Variants in RUSC1 observed in about 807,000 individuals in gnomAD.
RUSC1 encodes RUN and SH3 domain containing 1, also known as AP-4 complex accessory subunit RUSC1.
RUSC1 carries 40 observed loss-of-function variants against 72.1 expected under a neutral mutation model. The observed-to-expected ratio is 0.55, with a 90% CI of 0.43 to 0.72. RUSC1 has a LOEUF of 0.72. RUSC1 is among the 30% of genes least tolerant of loss of function. The pLI, the probability that RUSC1 is intolerant of heterozygous loss-of-function variation, is 0.00. For missense variants in RUSC1, 1,092 were observed against 1,172.3 expected, an observed-to-expected ratio of 0.93 and a Z score of 1.00; for synonymous variants, 512 against 494.2, an observed-to-expected ratio of 1.04 and a Z score of -0.48.
chr1:155,330,658 C>A lies in RUSC1; in HGVS notation c.*87C>A. The A allele has an allele frequency of 7.6e-7, 1 of 1,320,022 alleles. No individual in the cohort carries two copies. Among genetic ancestry groups the A allele is most frequent in the Non-Finnish European group, 1.0e-6 (1 of 982,082 alleles). The allele number at this position is 1,320,022 out of a possible 1,614,324, so 81.8% of individuals were successfully genotyped here. On this transcript the variant is annotated 3_prime_UTR_variant, in exon 10 of 10. Coordinates refer to ENST00000368352, the MANE Select transcript of RUSC1 (RefSeq NM_001105203.2). ...GAACACCATCCCAGAAGCATTTTCC[C>A]TCTGCAAAATGACGTTTCTTCCCAC...
intron 9 of RUSC1, among the ~76,000 whole-genome samples, chr1:155,329,392 C>CT (rs749137919): frequency 0.023 from 2,710 of 118,438 alleles, 101 homozygotes; most frequent in African/African-American, 0.072. Flanking sequence ...GGCTACTAAA[C>CT]TTTTTTTTTT....
chr1:155,321,673 A>T lies in RUSC1; in HGVS notation c.-86-15A>T. ...TTGTCCTCACTGGCCGGGCTTCACC[A>T]CCTCTGTCTTCTAGGTCTGCACCTG... On this transcript the variant is annotated splice_polypyrimidine_tract_variant and intron_variant, in intron 1 of 9. Coordinates refer to ENST00000368352, the MANE Select transcript of RUSC1 (RefSeq NM_001105203.2). 1 of 1,490,108 alleles carries T rather than the reference A, an allele frequency of 6.7e-7. No individual in the cohort carries two copies. The highest frequency in any genetic ancestry group is 9.2e-7 in the Non-Finnish European group (1 of 1,085,560). 92.3% of individuals were successfully genotyped at this position (1,490,108 alleles called of 1,614,324 possible).
In RUSC1 at chr1:155,330,557, T is replaced by A; in HGVS notation, c.2695T>A (p.Ser899Thr). Reference protein sequence around the residue: ...MEGLVPVGYTSLVL With the variant: ...MEGLVPVGYTTLVL Reference sequence around the variant, plus strand: ...GGGTCTGGTGCCTGTGGGGTATACCTCCCTTGTTCTGTAGCCCTGGGACCC... The same window carrying A: ...GGGTCTGGTGCCTGTGGGGTATACCACCCTTGTTCTGTAGCCCTGGGACCC... Residue 899 changes from serine to threonine, a missense_variant, in exon 10 of 10, where the codon TCC becomes ACC. By Grantham distance (58) the Ser-to-Thr change is moderately conservative (BLOSUM62 1). Coordinates refer to ENST00000368352, the MANE Select transcript of RUSC1 (RefSeq NM_001105203.2). 1 of 1,599,584 alleles carries A rather than the reference T, an allele frequency of 6.3e-7. No homozygotes were observed. The highest frequency in any genetic ancestry group is 1.1e-5 in the South Asian group (1 of 89,050).
At chr1:155,324,463 C>A in intron 2 of RUSC1, 1 of 1,611,980 alleles carries the variant, frequency 6.2e-7, no homozygotes, top group Non-Finnish European at 8.5e-7. Flanking sequence ...GGACTGGGCC[C>A]CGGGGCGGTG....
rs1651946523 is a variant in RUSC1 at position 155,330,875 on chromosome 1, T to C, written c.*304T>C. On this transcript the variant is annotated 3_prime_UTR_variant, in exon 10 of 10. Transcript: ENST00000368352. ...TGCAAAATGGAAATCTAGACCTCCT[T>C]CTTCATCCATAAGTGGACTGTGCCA... The C allele has an allele frequency of 7.6e-6, 2 of 261,834 alleles. No homozygotes were observed. Among genetic ancestry groups the C allele is most frequent in the South Asian group, 9.8e-5 (2 of 20,324 alleles). 16.2% of individuals were successfully genotyped at this position (261,834 alleles called of 1,614,324 possible). A position where few individuals can be genotyped will look rare whatever the true frequency, so the allele number is the denominator to read the frequency against.
In RUSC1 at chr1:155,330,605, C is replaced by T. The variant is rs771684116; in HGVS notation, c.*34C>T. On this transcript the variant is annotated 3_prime_UTR_variant, in exon 10 of 10. Coordinates refer to ENST00000368352, the MANE Select transcript of RUSC1 (RefSeq NM_001105203.2). Reference sequence around the variant, plus strand: ...CCCTTTCCTGCGTATGTGTCTCCTTCCTGTCACCTGGGAATGGAATGGCCA... The same window carrying T: ...CCCTTTCCTGCGTATGTGTCTCCTTTCTGTCACCTGGGAATGGAATGGCCA... The T allele has an allele frequency of 1.1e-5, 17 of 1,526,754 alleles. No homozygotes were observed. In the East Asian group the frequency reaches 2.8e-4, roughly 25 times the overall value. 94.6% of individuals were successfully genotyped at this position (1,526,754 alleles called of 1,614,324 possible).
At chr1:155,323,242 C>A in intron 2 of RUSC1, 112 bp downstream of exon 2, 4 of 1,212,650 alleles carry the variant, frequency 3.3e-6, no homozygotes, top group Non-Finnish European at 3.2e-6. Flanking sequence ...ATCCTCCCCG[C>A]CCCTTCTACC....
rs1176767408 is a variant in RUSC1, at chr1:155,325,198, G to A, written c.1533+20G>A. On this transcript the variant is annotated intron_variant, in intron 4 of 9. Coordinates refer to ENST00000368352, the MANE Select transcript of RUSC1 (RefSeq NM_001105203.2). This position sits in a 1 kb window ranked among gnomAD's most constrained non-coding sequence, Gnocchi z 6.5. ...CAGAAGGTGAAGGTGGCTGGGGGGA[G>A]GCTGTTGGGATGAGGAGAGTAATGG... 4.3e-6 allele frequency: 7 copies of A among 1,614,056 alleles called. No homozygotes were observed. Among genetic ancestry groups the A allele is most frequent in the Non-Finnish European group, 4.2e-6 (5 of 1,180,034 alleles).
Position 155,325,730 on chromosome 1 carries a change from G to T in RUSC1, c.1814+58G>T. The T allele has an allele frequency of 6.3e-7, 1 of 1,596,840 alleles. No individual in the cohort carries two copies. Among genetic ancestry groups the T allele is most frequent in the Non-Finnish European group, 8.6e-7 (1 of 1,165,608 alleles). On this transcript the variant is annotated intron_variant, in intron 6 of 9. Coordinates refer to ENST00000368352, the MANE Select transcript of RUSC1 (RefSeq NM_001105203.2). This position sits in a 1 kb window ranked among gnomAD's most constrained non-coding sequence, Gnocchi z 6.5. ...GACCTGGGACTGCAGGAGCGTCATG[G>T]GTGGGACACAGTAGTAGTGCCTCAC...
Position 155,322,898 on chromosome 1 carries a change from G to A in RUSC1, c.1125G>A (p.Arg375=). The A allele has an allele frequency of 6.2e-7, 1 of 1,605,074 alleles. No individual in the cohort carries two copies. The highest frequency in any genetic ancestry group is 1.1e-5 in the South Asian group (1 of 90,016). ...AAGTCACCACCTTCAAGGAACTCCG[G>A]TCCCGAAGCCGGGCCCCAGCCCCGC... The part of the protein sequence containing the change: ...PREVTTFKEL[R]SRSRAPAPPV... The change falls in exon 2 of 10, where the codon CGG becomes CGA. Residue 375 remains arginine (R), a synonymous_variant. Transcript: ENST00000368352.
Position 155,323,075 on chromosome 1 carries a change from G to C in RUSC1, c.1302G>C (p.Ala434=). The C allele has an allele frequency of 7.0e-7, 1 of 1,430,518 alleles. No individual in the cohort carries two copies. The allele number at this position is 1,430,518 out of a possible 1,614,324, so 88.6% of individuals were successfully genotyped here. The part of the protein sequence containing the change: ...QSEEGRAVSP[A]AGEEAPAAKE... ...AGGAGGGCCGGGCTGTCAGCCCAGCGGCTGGCGAGGAGGCCCCAGCCGCGA... is the reference window on the plus strand; with the variant it reads ...AGGAGGGCCGGGCTGTCAGCCCAGCCGCTGGCGAGGAGGCCCCAGCCGCGA... Residue 434 remains alanine (A), a synonymous_variant, in exon 2 of 10, where the codon GCG becomes GCC. Coordinates refer to ENST00000368352, the MANE Select transcript of RUSC1 (RefSeq NM_001105203.2).
At chr1:155,321,287 C>T (rs748485547) in intron 1 of RUSC1, 2 of 1,369,918 alleles carry the variant, frequency 1.5e-6, no homozygotes, top group South Asian at 1.1e-5. Context: ...TTGCCCCACC[C>T]CCATCCTCCA....
chr1:155,324,742 G>T (rs1461556091), intron 2 of RUSC1, 103 bp from the exon 3 acceptor site: 4 of 1,594,278 alleles, frequency 2.5e-6, no homozygotes, highest in Non-Finnish European at 3.4e-6. Context: ...GACCCTTCGG[G>T]GACACAGCAC....
chr1:155,328,182 G>T lies in RUSC1; in HGVS notation c.2447G>T (p.Ser816Ile). 6.2e-7 allele frequency: 1 copy of T among 1,613,582 alleles called. No individual in the cohort carries two copies. Among genetic ancestry groups the T allele is most frequent in the Non-Finnish European group, 8.5e-7 (1 of 1,179,792 alleles). The change falls in exon 9 of 10, where the codon AGT (serine) becomes ATT (isoleucine). Residue 816 changes from serine to isoleucine, a missense_variant. By Grantham distance (142) the Ser-to-Ile change is moderately radical. Coordinates refer to ENST00000368352, the MANE Select transcript of RUSC1 (RefSeq NM_001105203.2). ...RPSSWLPPTV[S>I]VLALVKRGAP... ...TCTAGCTGGCTGCCCCCGACAGTGAGTGTGTTGGCTCTTGTGAAGCGGGGG... is the reference window on the plus strand; with the variant it reads ...TCTAGCTGGCTGCCCCCGACAGTGATTGTGTTGGCTCTTGTGAAGCGGGGG...
At position 155,324,906 on chromosome 1, in the gene RUSC1, C is replaced by G. The variant is rs1284935441; in HGVS notation, c.1419C>G (p.Ala473=). The change falls in exon 3 of 10, where the codon GCC becomes GCG. Residue 473 remains alanine, a synonymous_variant. Coordinates refer to ENST00000368352, the MANE Select transcript of RUSC1 (RefSeq NM_001105203.2). ...PGAQRLWMAE[A]QSGTGQLQEQ... is the part of the protein sequence containing the mutation. ...CCCAGCGGCTGTGGATGGCAGAAGC[C>G]CAGAGTGGGACTGGTCAGCTGCAGG... The G allele has an allele frequency of 6.2e-7, 1 of 1,614,218 alleles. No homozygotes were observed. The highest frequency in any genetic ancestry group is 8.5e-7 in the Non-Finnish European group (1 of 1,180,042).
Position 155,323,111 on chromosome 1 carries a change from C to T in RUSC1, c.1338C>T (p.Gly446=). 7.0e-7 allele frequency: 1 copy of T among 1,421,860 alleles called. No homozygotes were observed. The highest frequency in any genetic ancestry group is 1.5e-5 in the South Asian group (1 of 65,704). 88.1% of individuals were successfully genotyped at this position (1,421,860 alleles called of 1,614,324 possible). ...GEEAPAAKEP[G]AQAGLEVRSS... ...AGGCCCCAGCCGCGAAGGAGCCGGGCGCGCAGGCCGGCCTGGAGGGTAAGA... is the reference window on the plus strand; with the variant it reads ...AGGCCCCAGCCGCGAAGGAGCCGGGTGCGCAGGCCGGCCTGGAGGGTAAGA... The change falls in exon 2 of 10, where the codon GGC becomes GGT. Residue 446 remains glycine, a synonymous_variant. Coordinates refer to ENST00000368352, the MANE Select transcript of RUSC1 (RefSeq NM_001105203.2).
intron 9 of RUSC1, 78 bp from the exon 10 acceptor site, chr1:155,330,325 A>C: frequency 7.0e-7 from 1 of 1,421,160 alleles, no homozygotes; most frequent in Non-Finnish European, 9.8e-7. Context: ...CAACAAGGGC[A>C]CTCTAGAGGT....
chr1:155,322,213 T>G lies in RUSC1; in HGVS notation c.440T>G (p.Leu147Arg). ...SIIPLEQGSP[L>R]ASAGPGTCSP... ...ATCCCCCTGGAGCAGGGCTCCCCACTGGCTTCAGCAGGCCCTGGCACCTGC... is the reference window on the plus strand; with the variant it reads ...ATCCCCCTGGAGCAGGGCTCCCCACGGGCTTCAGCAGGCCCTGGCACCTGC... The change falls in exon 2 of 10, where the codon CTG (leucine) becomes CGG (arginine). Residue 147 changes from leucine (L) to arginine (R), a missense_variant. Physicochemically the swap from Leu to Arg is moderately radical, Grantham distance 102. Coordinates refer to ENST00000368352, the MANE Select transcript of RUSC1 (RefSeq NM_001105203.2). 6.2e-7 allele frequency: 1 copy of G among 1,611,476 alleles called. No individual in the cohort carries two copies. The highest frequency in any genetic ancestry group is 1.1e-5 in the South Asian group (1 of 90,822).
rs778398403 is a variant in RUSC1, at chr1:155,320,973, C to T, written c.-105C>T. 2.6e-6 allele frequency: 4 copies of T among 1,541,530 alleles called. No individual in the cohort carries two copies. The highest frequency in any genetic ancestry group is 1.4e-5 in the African/African-American group (1 of 72,954). ...GCCGCGGACAAGCCCAAGGCCGGAG[C>T]GGTTCCAGGAGGACCCTGGTGAGGA... On this transcript the variant is annotated 5_prime_UTR_variant, in exon 1 of 10. Transcript: ENST00000368352.
Sources: gnomAD v4.1 joint callset for allele counts (sites outside exome capture counted in the v4.1 genomes callset) on GRCh38, gnomAD v4.1.1 for gene constraint, Gnocchi (gnomAD v3.1) non-coding constraint, MANE v1.5 for transcripts, NCBI Gene and HGNC (gene_info 2026-07-23, HGNC 2026-07-21) for gene names.